The following ATP8B4 variants were observed in gnomAD, a reference collection of about 807,000 sequenced individuals.
ATP8B4 encodes probable phospholipid-transporting ATPase IM.
ATP8B4 carries 133 observed loss-of-function variants against 145.6 expected under a neutral mutation model. The observed-to-expected ratio is 0.91, with a 90% CI of 0.79 to 1.05. The LOEUF is 1.05. ATP8B4 is among the 50% of genes least tolerant of loss of function. ATP8B4 has a pLI of 0.00. For missense variants in ATP8B4, 1,458 were observed against 1,425.2 expected, an observed-to-expected ratio of 1.02 and a Z score of -0.37; for synonymous variants, 507 against 492.9, an observed-to-expected ratio of 1.03 and a Z score of -0.38.
intron 2 of ATP8B4, among the ~76,000 whole-genome samples, chr15:50,085,262 C>G (rs530749677): frequency 4.7e-4 from 72 of 152,234 alleles, no homozygotes; most frequent in South Asian, 8.3e-4. Context: ...TTTGCATAGT[C>G]CTTTTTTTTC....
intron 2 of ATP8B4, among the ~76,000 whole-genome samples, chr15:50,087,375 TATAG>T (rs1372717686): frequency 7.7e-5 from 11 of 142,528 alleles, no homozygotes; most frequent in Admixed American, 2.1e-4. Context: ...TAAAATAATA[TATAG>T]ATATATATTA....
At chr15:50,110,069 A>C (rs566595031) in intron 1 of ATP8B4, among the ~76,000 whole-genome samples, 4 of 152,306 alleles carry the variant, frequency 2.6e-5, no homozygotes, top group African/African-American at 4.8e-5. Flanking sequence ...ATACTGAATA[A>C]ATCCATTTTT....
At chr15:49,927,872 A>G (rs990055015) in intron 16 of ATP8B4, among the ~76,000 whole-genome samples, 1 of 152,114 alleles carries the variant, frequency 6.6e-6, no homozygotes, top group Non-Finnish European at 1.5e-5. Context: ...GTCAAAACAT[A>G]AAAATAAAAA....
At chr15:50,057,252 G>A (rs1427337703) in intron 3 of ATP8B4, among the ~76,000 whole-genome samples, 1 of 152,156 alleles carries the variant, frequency 6.6e-6, no homozygotes, top group African/African-American at 2.4e-5. Context: ...CAGGCGCTAT[G>A]CTGAACACTA....
At chr15:50,108,671 T>A (rs1274789572) in intron 1 of ATP8B4, among the ~76,000 whole-genome samples, 1 of 152,150 alleles carries the variant, frequency 6.6e-6, no homozygotes, top group Non-Finnish European at 1.5e-5. Flanking sequence ...TGTCAACTCA[T>A]ATTTCATTTC....
chr15:50,075,802 A>G (rs2054132586), intron 2 of ATP8B4, among the ~76,000 whole-genome samples: 1 of 152,186 alleles, frequency 6.6e-6, no homozygotes, highest in Non-Finnish European at 1.5e-5. Flanking sequence ...AAAACATCAA[A>G]TCCCAAAGTG....
intron 9 of ATP8B4, 51 bp downstream of exon 9, chr15:49,996,626 T>C (rs1161555851): frequency 2.1e-6 from 3 of 1,401,544 alleles, no homozygotes; most frequent in East Asian, 4.8e-5. Flanking sequence ...CTTTGTTGCA[T>C]TGCTTTTTGG....
intron 6 of ATP8B4, among the ~76,000 whole-genome samples, chr15:50,036,415 G>A (rs542025274): frequency 1.2e-4 from 19 of 152,316 alleles, no homozygotes; most frequent in African/African-American, 4.6e-4. Context: ...GAAGAAAGCG[G>A]CAGGTGCAAG....
rs979809917 is a variant in ATP8B4 at position 49,882,302 on chromosome 15, A to G, written c.2698-2843T>C. Reference sequence around the variant, plus strand: ...GACAGGGTCCCAGTATCCAACTCCTATCTACCCTCAAGAGTCCACCAAAAC... The same window carrying G: ...GACAGGGTCCCAGTATCCAACTCCTGTCTACCCTCAAGAGTCCACCAAAAC... On this transcript the variant is annotated intron_variant, in intron 23 of 27. Transcript: ENST00000284509. Among the ~76,000 whole-genome samples, 3 of 152,122 alleles carry G rather than the reference A, an allele frequency of 2.0e-5. No individual in the cohort carries two copies. The South Asian group carries it at 6.2e-4, about 32-fold the overall frequency.
intron 23 of ATP8B4, among the ~76,000 whole-genome samples, chr15:49,888,923 T>C (rs751631510): frequency 1.4e-4 from 22 of 152,134 alleles, no homozygotes; most frequent in Admixed American, 2.0e-4. Context: ...ACAGTTCGCC[T>C]AGGGACAGGC....
chr15:49,860,491 C>T lies in ATP8B4; in HGVS notation c.3298-16G>A, dbSNP rs1353440220. Reference sequence around the variant, plus strand: ...ACCGGCGGATCTGGAGAGAAACAGACCCAAAGTGAGATGATGCATCCAAAT... The same window carrying T: ...ACCGGCGGATCTGGAGAGAAACAGATCCAAAGTGAGATGATGCATCCAAAT... On this transcript the variant is annotated splice_polypyrimidine_tract_variant and intron_variant, in intron 27 of 27. Coordinates refer to ENST00000284509, the MANE Select transcript of ATP8B4 (RefSeq NM_024837.4). The T allele has an allele frequency of 1.3e-6, 2 of 1,586,602 alleles. No homozygotes were observed. The highest frequency in any genetic ancestry group is 1.7e-6 in the Non-Finnish European group (2 of 1,168,882).
intron 6 of ATP8B4, among the ~76,000 whole-genome samples, chr15:50,025,488 T>C (rs1370092528): frequency 6.6e-6 from 1 of 152,196 alleles, no homozygotes; most frequent in Admixed American, 6.5e-5. Context: ...TGATTTTCCC[T>C]CTGGAATTCT....
At chr15:50,040,520 C>G (rs919594370) in intron 5 of ATP8B4, among the ~76,000 whole-genome samples, 1 of 152,210 alleles carries the variant, frequency 6.6e-6, no homozygotes, top group African/African-American at 2.4e-5. Context: ...AGTTAATGAA[C>G]TGGCACATAA....
intron 19 of ATP8B4, 120 bp from the exon 20 acceptor site, chr15:49,917,159 A>AG: frequency 1.2e-6 from 1 of 866,324 alleles, no homozygotes; most frequent in South Asian, 1.6e-5. Flanking sequence ...CTGATGTCAG[A>AG]GAGAGCACAA....
At chr15:50,170,842 C>T (rs748215463) in intron 1 of ATP8B4, among the ~76,000 whole-genome samples, 1 of 152,150 alleles carries the variant, frequency 6.6e-6, no homozygotes, top group Non-Finnish European at 1.5e-5. Context: ...CTCACATAAA[C>T]TTACAGTAAT....
At chr15:49,979,536 T>C in intron 12 of ATP8B4, 81 bp downstream of exon 12, 1 of 1,213,390 alleles carries the variant, frequency 8.2e-7, no homozygotes, top group Non-Finnish European at 1.1e-6. Context: ...TCTATTGCAC[T>C]GCTGAAACTT....
intron 2 of ATP8B4, among the ~76,000 whole-genome samples, chr15:50,092,704 A>T (rs2055690242): frequency 6.6e-6 from 1 of 151,986 alleles, no homozygotes; most frequent in East Asian, 1.9e-4. Flanking sequence ...TTCAGAAAAG[A>T]GCATAAAAAG....
chr15:49,901,643 A>ATC, intron 20 of ATP8B4: 1 of 284,352 alleles, frequency 3.5e-6, no homozygotes, highest in Non-Finnish European at 6.9e-6. Flanking sequence ...AATTGATGAA[A>ATC]TCTTCTAGGA....
intron 6 of ATP8B4, among the ~76,000 whole-genome samples, chr15:50,017,991 CTTTTTT>C (rs35825862): frequency 1.4e-5 from 2 of 140,300 alleles, no homozygotes; most frequent in Non-Finnish European, 3.1e-5. Flanking sequence ...CTTTTTTTTT[CTTTTTT>C]TTTTTTTTGA....
Sources: gnomAD v4.1 joint callset for allele counts (sites outside exome capture counted in the v4.1 genomes callset) on GRCh38, gnomAD v4.1.1 for gene constraint, MANE v1.5 for transcripts, NCBI Gene and HGNC (gene_info 2026-07-23, HGNC 2026-07-21) for gene names.